ANKS1B: variants seen among roughly 807,000 people sequenced by gnomAD.
ANKS1B encodes the protein ankyrin repeat and sterile alpha motif domain-containing protein 1B.
Under a neutral mutation model 148.3 loss-of-function variants are expected in ANKS1B, and 36 were observed. The ratio of observed to expected loss-of-function variants is 0.24; its 90% confidence interval spans 0.19 to 0.32. The LOEUF (loss-of-function observed/expected upper bound fraction) is 0.32. Among genes scored for constraint, ANKS1B ranks in the 10% least tolerant of loss-of-function variants. The probability of loss-of-function intolerance (pLI) is 1.00; values close to 1 mark genes in which losing one functional copy is unlikely to be tolerated. For missense variants in ANKS1B, 1,157 were observed against 1,542.6 expected (o/e 0.75, Z 4.19); for synonymous variants, 542 against 560.8 (o/e 0.97, Z 0.47).
intron 12 of ANKS1B, among the ~76,000 whole-genome samples, chr12:99,260,911 G>C (rs747648550): frequency 6.6e-6 from 1 of 152,272 alleles, no homozygotes; most frequent in East Asian, 1.9e-4. Context: ...TTTAGCTGAG[G>C]TGTTGGTAAA....
At chr12:99,266,364 G>A (rs760400827) in intron 12 of ANKS1B, among the ~76,000 whole-genome samples, 37 of 152,002 alleles carry the variant, frequency 2.4e-4, no homozygotes, top group Non-Finnish European at 4.1e-4. Flanking sequence ...TCTTTATTAC[G>A]GACCAAGCAT....
chr12:99,880,071 T>G (rs766735505), intron 1 of ANKS1B, among the ~76,000 whole-genome samples: 2 of 152,184 alleles, frequency 1.3e-5, no homozygotes, highest in African/African-American at 4.8e-5. Flanking sequence ...GTTTATATTA[T>G]CCTCTTGACC....
At chr12:99,297,258 C>A (rs1462660012) in intron 12 of ANKS1B, among the ~76,000 whole-genome samples, 1 of 152,128 alleles carries the variant, frequency 6.6e-6, no homozygotes, top group Non-Finnish European at 1.5e-5. Flanking sequence ...AAACATACTT[C>A]ATTTTTGTCC....
intron 14 of ANKS1B, among the ~76,000 whole-genome samples, chr12:99,195,577 G>A (rs2081291161): frequency 6.6e-6 from 1 of 152,070 alleles, no homozygotes; most frequent in African/African-American, 2.4e-5. Flanking sequence ...AGAATGTAGG[G>A]CAAATTTCTA....
chr12:99,861,094 T>C (rs2089961791), intron 1 of ANKS1B, among the ~76,000 whole-genome samples: 1 of 152,222 alleles, frequency 6.6e-6, no homozygotes, highest in Non-Finnish European at 1.5e-5. Flanking sequence ...ATAAGGCAAA[T>C]GCCTAGCTAA....
intron 12 of ANKS1B, among the ~76,000 whole-genome samples, chr12:99,287,111 C>T (rs1332145308): frequency 6.6e-6 from 1 of 152,118 alleles, no homozygotes; most frequent in African/African-American, 2.4e-5. Flanking sequence ...CAGTGTTATG[C>T]TGGCTTCAGG....
chr12:99,112,746 T>C (rs2060556999), intron 15 of ANKS1B, among the ~76,000 whole-genome samples: 1 of 152,208 alleles, frequency 6.6e-6, no homozygotes, highest in Admixed American at 6.5e-5. Context: ...TTTAATAAAG[T>C]GGAAATAGAG....
chr12:99,921,326 A>G lies in ANKS1B; in HGVS notation c.134+62778T>C, dbSNP rs547476280. On this transcript the variant is annotated intron_variant, in intron 1 of 26. Coordinates refer to ENST00000683438, the MANE Select transcript of ANKS1B (RefSeq NM_001352186.2). ...CTCTGTCTCTCCTGCCGCCTTGTGAAGAAGGTGCCTGCTTCCCCTTCCATC... is the reference window on the plus strand; with the variant it reads ...CTCTGTCTCTCCTGCCGCCTTGTGAGGAAGGTGCCTGCTTCCCCTTCCATC... Among the ~76,000 whole-genome samples the G allele has an allele frequency of 2.6e-5, 4 of 152,218 alleles. No homozygotes were observed. The East Asian group carries it at 7.7e-4, about 29-fold the overall frequency.
intron 12 of ANKS1B, among the ~76,000 whole-genome samples, chr12:99,290,575 T>A (rs2079826065): frequency 6.6e-6 from 1 of 152,016 alleles, no homozygotes; most frequent in Admixed American, 6.6e-5. Flanking sequence ...TCATTAATCA[T>A]GACCAGGTTG....
chr12:99,431,649 G>A (rs528406949), intron 11 of ANKS1B, among the ~76,000 whole-genome samples: 73 of 152,302 alleles, frequency 4.8e-4, no homozygotes, highest in African/African-American at 1.6e-3. Flanking sequence ...TACAGAATGA[G>A]TAATCCATAG....
chr12:99,647,573 T>C (rs897903520), intron 9 of ANKS1B, among the ~76,000 whole-genome samples: 13 of 152,084 alleles, frequency 8.5e-5, no homozygotes, highest in African/African-American at 3.1e-4. Flanking sequence ...AGATGGTAGG[T>C]TGGTGGCGGG....
intron 25 of ANKS1B, among the ~76,000 whole-genome samples, chr12:98,765,722 AG>A (rs1262672958): frequency 1.3e-5 from 2 of 152,058 alleles, no homozygotes; most frequent in Non-Finnish European, 2.9e-5. Flanking sequence ...CAGCCTCCCA[AG>A]TAGCTGGGAT....
intron 8 of ANKS1B, among the ~76,000 whole-genome samples, chr12:99,683,272 C>T (rs2098631690): frequency 6.6e-6 from 1 of 151,816 alleles, no homozygotes. Flanking sequence ...TCCAAATAAG[C>T]TCAATTAGAA....
intron 25 of ANKS1B, among the ~76,000 whole-genome samples, chr12:98,761,973 C>A (rs2098414163): frequency 6.6e-6 from 1 of 152,114 alleles, no homozygotes; most frequent in Non-Finnish European, 1.5e-5. Context: ...ATGGAATGAA[C>A]AAATGTATTC....
intron 17 of ANKS1B, among the ~76,000 whole-genome samples, chr12:98,976,888 T>G (rs935316616): frequency 2.0e-5 from 3 of 152,256 alleles, no homozygotes; most frequent in Non-Finnish European, 4.4e-5. Context: ...ATGTATTTAT[T>G]TTGTTTTGCC....
At chr12:99,322,452 T>C (rs575329908) in intron 12 of ANKS1B, among the ~76,000 whole-genome samples, 70 of 147,588 alleles carry the variant, frequency 4.7e-4, no homozygotes, top group African/African-American at 1.6e-3. Context: ...CTGCACACTC[T>C]GTATATGTAT....
intron 17 of ANKS1B, among the ~76,000 whole-genome samples, chr12:98,851,960 G>A (rs1273515573): frequency 7.1e-6 from 1 of 140,370 alleles, no homozygotes; most frequent in African/African-American, 2.7e-5. Flanking sequence ...GGAGGTGGAG[G>A]TTGCAGTGAG....
intron 9 of ANKS1B, among the ~76,000 whole-genome samples, chr12:99,604,856 A>G (rs1424360931): frequency 1.3e-5 from 2 of 151,400 alleles, no homozygotes; most frequent in Non-Finnish European, 2.9e-5. Flanking sequence ...AAAATTGTTT[A>G]AGACAAATAG....
intron 9 of ANKS1B, among the ~76,000 whole-genome samples, chr12:99,575,082 G>C (rs1169982193): frequency 2.0e-5 from 3 of 151,912 alleles, no homozygotes; most frequent in African/African-American, 7.2e-5. Flanking sequence ...CAACATACAA[G>C]GTCAATATAT....
Sources: allele counts gnomAD v4.1 joint callset (sites outside exome capture counted in the v4.1 genomes callset), GRCh38; gene constraint gnomAD v4.1.1; transcripts MANE v1.5; gene names NCBI Gene and HGNC (gene_info 2026-07-23, HGNC 2026-07-21).